Variants in SEPTIN10 observed in about 807,000 individuals in gnomAD.
SEPTIN10 encodes the protein septin-10.
A neutral mutation model predicts 54.8 loss-of-function variants in SEPTIN10; 66 were observed. The ratio of observed to expected loss-of-function variants is 1.21; its 90% CI spans 0.99 to 1.48. The LOEUF (loss-of-function observed/expected upper bound fraction) is 1.48. Among genes scored for constraint, SEPTIN10 ranks in the 40% most tolerant of loss-of-function variants. The pLI is 0.00. For synonymous variants in SEPTIN10, 161 were observed against 181.0 expected, an observed-to-expected ratio of 0.89 and a Z score of 0.89; for missense variants, 620 against 545.6, an observed-to-expected ratio of 1.14 and a Z score of -1.36.
intron 4 of SEPTIN10, among the ~76,000 whole-genome samples, chr2:109,584,790 A>AT (rs1427496185): frequency 6.6e-6 from 1 of 151,912 alleles, no homozygotes; most frequent in Non-Finnish European, 1.5e-5. Flanking sequence ...TATGTCTTGT[A>AT]TTTTTTTTCT....
In SEPTIN10 at chr2:109,553,142, ATC is replaced by A. The variant is rs777327518; in HGVS notation, c.1104_1105del (p.Gln368HisfsTer17). Reference sequence around the variant, plus strand: ...TTTCTCCTTTACTCGCTGCACAAACATCTGTTTCATTTCTTCTTCCTTCCTCT... The same window carrying A: ...TTTCTCCTTTACTCGCTGCACAAACATGTTTCATTTCTTCTTCCTTCCTCT... On this transcript the variant is annotated frameshift_variant, in exon 9 of 11. Transcript: ENST00000397712. LOFTEE classifies it high-confidence loss of function. 10 of 1,613,958 alleles carry A rather than the reference ATC, an allele frequency of 6.2e-6. No individual in the cohort carries two copies. Among genetic ancestry groups the A allele is most frequent in the Non-Finnish European group, 7.6e-6 (9 of 1,180,014 alleles).
Position 109,544,298 on chromosome 2 carries a change from G to C in SEPTIN10, c.*11C>G, listed in dbSNP as rs545506240. ...TGTGATGATGACCTTCTGTGCTCTG[G>C]AACTTCTGTTTTACAAAAAATTGGA... is the stretch of plus-strand genomic sequence containing the variant. On this transcript the variant is annotated 3_prime_UTR_variant, in exon 11 of 11. Coordinates refer to ENST00000397712, the MANE Select transcript of SEPTIN10 (RefSeq NM_144710.5). The C allele has an allele frequency of 4.4e-6, 7 of 1,599,432 alleles. No homozygotes were observed. In the East Asian group the frequency reaches 8.9e-5, roughly 20 times the overall value.
intron 5 of SEPTIN10, among the ~76,000 whole-genome samples, chr2:109,571,347 T>C (rs542674249): frequency 4.6e-5 from 7 of 152,316 alleles, no homozygotes; most frequent in African/African-American, 1.7e-4. Flanking sequence ...TGATGTTGCG[T>C]GAACATCACA....
rs983767432 is a variant in SEPTIN10, at chr2:109,555,707, C to T, written c.1029-2488G>A. On this transcript the variant is annotated intron_variant, in intron 8 of 10. Coordinates refer to ENST00000397712, the MANE Select transcript of SEPTIN10 (RefSeq NM_144710.5). ...AATAATATGAACCTGTGATCAATTACGCAGCTGACCAATCGTTACCTCTTC... is the reference window on the plus strand; with the variant it reads ...AATAATATGAACCTGTGATCAATTATGCAGCTGACCAATCGTTACCTCTTC... Among the ~76,000 whole-genome samples, 14 of 152,318 alleles carry T rather than the reference C, an allele frequency of 9.2e-5. No individual in the cohort carries two copies. The East Asian group carries it at 1.9e-3, about 21-fold the overall frequency.
chr2:109,551,202 G>A (rs1682869690), intron 9 of SEPTIN10, among the ~76,000 whole-genome samples: 1 of 152,074 alleles, frequency 6.6e-6, no homozygotes, highest in African/African-American at 2.4e-5. Flanking sequence ...TATTATCTAA[G>A]CACACATCAT....
At chr2:109,545,653 C>A in intron 10 of SEPTIN10, 1 of 1,494,504 alleles carries the variant, frequency 6.7e-7, no homozygotes, top group Non-Finnish European at 8.9e-7. Context: ...AATTCCCCAA[C>A]AAAGGGCACA....
At chr2:109,592,381 C>T (rs2105936380) in intron 2 of SEPTIN10, among the ~76,000 whole-genome samples, 1 of 152,244 alleles carries the variant, frequency 6.6e-6, no homozygotes, top group African/African-American at 2.4e-5. Flanking sequence ...ATGAGAATTG[C>T]TTGAACCCGG....
At chr2:109,564,950 C>A (rs1249887723) in intron 7 of SEPTIN10, among the ~76,000 whole-genome samples, 13 of 152,166 alleles carry the variant, frequency 8.5e-5, no homozygotes. Context: ...ATTCTGCAAA[C>A]TCAAGAATAC....
chr2:109,565,676 C>T (rs1686813154), intron 7 of SEPTIN10, 87 bp downstream of exon 7: 11 of 1,161,790 alleles, frequency 9.5e-6, no homozygotes, highest in South Asian at 5.0e-5. Context: ...CACATCCAAA[C>T]TAAGCATCAC....
intron 5 of SEPTIN10, among the ~76,000 whole-genome samples, chr2:109,573,668 C>G (rs527346481): frequency 6.6e-6 from 1 of 152,242 alleles, no homozygotes; most frequent in South Asian, 2.1e-4. Context: ...AGTTAGTAAC[C>G]AGGATCATGA....
At chr2:109,595,668 A>C (rs1256833814) in intron 1 of SEPTIN10, among the ~76,000 whole-genome samples, 1 of 152,154 alleles carries the variant, frequency 6.6e-6, no homozygotes, top group Non-Finnish European at 1.5e-5. Flanking sequence ...ATCCCTAAAC[A>C]CCAGAAGGCA....
At chr2:109,583,470 T>C (rs751756418) in intron 4 of SEPTIN10, among the ~76,000 whole-genome samples, 4 of 152,138 alleles carry the variant, frequency 2.6e-5, no homozygotes, top group Non-Finnish European at 5.9e-5. Flanking sequence ...ATGGCTATTA[T>C]TAAAAAGTCA....
At chr2:109,568,131 G>A (rs1048986769) in intron 5 of SEPTIN10, among the ~76,000 whole-genome samples, 155 bp from the exon 6 acceptor site, 2 of 151,894 alleles carry the variant, frequency 1.3e-5, no homozygotes, top group Admixed American at 6.6e-5. Context: ...TGTTGATCTT[G>A]ATACATAAAG....
chr2:109,600,345 T>C (rs969768340), intron 1 of SEPTIN10, among the ~76,000 whole-genome samples: 1 of 152,118 alleles, frequency 6.6e-6, no homozygotes, highest in Admixed American at 6.5e-5. Context: ...TCTCCTACAC[T>C]GCTAGCTCCT....
At chr2:109,597,789 A>C (rs1404658027) in intron 1 of SEPTIN10, among the ~76,000 whole-genome samples, 1 of 152,178 alleles carries the variant, frequency 6.6e-6, no homozygotes, top group Non-Finnish European at 1.5e-5. Flanking sequence ...TAGCTGGAGG[A>C]AAGTCTGGTG....
chr2:109,604,905 C>T (rs1018187100), intron 1 of SEPTIN10: 2 of 152,132 alleles, frequency 1.3e-5, no homozygotes, highest in Non-Finnish European at 2.9e-5. Flanking sequence ...GTCCAAGTGA[C>T]TCAAACTAAG....
intron 2 of SEPTIN10, among the ~76,000 whole-genome samples, chr2:109,588,713 AC>A (rs763484532): frequency 6.0e-5 from 9 of 151,138 alleles, no homozygotes; most frequent in Non-Finnish European, 1.3e-4. Context: ...CTGGTCTCAA[AC>A]TCCTGACCTC....
At chr2:109,554,518 C>T (rs951505011) in intron 8 of SEPTIN10, among the ~76,000 whole-genome samples, 3 of 152,128 alleles carry the variant, frequency 2.0e-5, no homozygotes, top group Non-Finnish European at 2.9e-5. Flanking sequence ...ACACTCACAC[C>T]ACCCCCACCC....
chr2:109,577,312 C>T (rs1482914271), intron 4 of SEPTIN10, among the ~76,000 whole-genome samples: 3 of 152,106 alleles, frequency 2.0e-5, no homozygotes, highest in South Asian at 2.1e-4. Flanking sequence ...AAATAGAGAA[C>T]TCGGCCGGGC....
Sources: gnomAD v4.1 joint callset for allele counts (sites outside exome capture counted in the v4.1 genomes callset) on GRCh38, gnomAD v4.1.1 for gene constraint, MANE v1.5 for transcripts, NCBI Gene and HGNC (gene_info 2026-07-23, HGNC 2026-07-21) for gene names.